RIMS2: variants seen among roughly 807,000 people sequenced by gnomAD.
RIMS2 encodes regulating synaptic membrane exocytosis 2.
RIMS2 carries 59 observed loss-of-function variants against 174.4 expected under a neutral mutation model. The ratio of observed to expected loss-of-function variants is 0.34; its 90% confidence interval spans 0.27 to 0.42. RIMS2 has a LOEUF of 0.42. Ranked by LOEUF, RIMS2 falls within the 10% of genes least tolerant of loss-of-function variation. The pLI, the probability that RIMS2 is intolerant of heterozygous loss-of-function variation, is 1.00. For missense variants in RIMS2, 1,620 were observed against 1,666.3 expected (o/e 0.97, Z 0.48); for synonymous variants, 606 against 572.5 (o/e 1.06, Z -0.84).
intron 3 of RIMS2, among the ~76,000 whole-genome samples, chr8:103,800,325 A>T (rs2098598054): frequency 2.0e-5 from 3 of 151,716 alleles, no homozygotes; most frequent in Admixed American, 1.3e-4. Flanking sequence ...CTTTTATTTC[A>T]TTTTTTTATC....
chr8:103,891,818 T>C (rs2099247653), intron 4 of RIMS2, among the ~76,000 whole-genome samples: 1 of 152,078 alleles, frequency 6.6e-6, no homozygotes, highest in Non-Finnish European at 1.5e-5. Flanking sequence ...TGGTGGTGGA[T>C]TAATTTGTAG....
At chr8:103,810,517 A>G (rs974655517) in intron 3 of RIMS2, among the ~76,000 whole-genome samples, 5 of 152,234 alleles carry the variant, frequency 3.3e-5, no homozygotes, top group African/African-American at 1.2e-4. Context: ...TAGTGAAAAC[A>G]AAGTACTTTA....
chr8:103,789,604 G>C (rs2098477121), intron 3 of RIMS2, among the ~76,000 whole-genome samples: 1 of 152,112 alleles, frequency 6.6e-6, no homozygotes, highest in African/African-American at 2.4e-5. Flanking sequence ...TGTACACCAG[G>C]TGGCAAGATT....
chr8:103,945,380 A>G (rs1174154940), intron 14 of RIMS2, among the ~76,000 whole-genome samples: 2 of 152,084 alleles, frequency 1.3e-5, no homozygotes, highest in African/African-American at 2.4e-5. Flanking sequence ...AAGAAACACT[A>G]ATGTTTCTCA....
chr8:104,005,484 T>C (rs2095541246), intron 17 of RIMS2, among the ~76,000 whole-genome samples: 1 of 152,010 alleles, frequency 6.6e-6, no homozygotes, highest in South Asian at 2.1e-4. Flanking sequence ...TGCAGGAAGG[T>C]TGATGTTTAA....
intron 1 of RIMS2, among the ~76,000 whole-genome samples, chr8:103,604,624 C>G (rs1028818685): frequency 1.2e-4 from 18 of 149,224 alleles, no homozygotes; most frequent in Admixed American, 8.7e-4. Context: ...ATTCTTCCTA[C>G]CCATGAGCAT....
In RIMS2 at chr8:103,795,146, T is replaced by C. The variant is rs539998185; in HGVS notation, c.698+28609T>C. On this transcript the variant is annotated intron_variant, in intron 3 of 23. Transcript: ENST00000504942. Reference sequence around the variant, plus strand: ...CAGACACATGCACATGTGTGTTTATTGTGGCACTATTCACAATAGCAAAGA... The same window carrying C: ...CAGACACATGCACATGTGTGTTTATCGTGGCACTATTCACAATAGCAAAGA... 2.6e-5 allele frequency among the ~76,000 whole-genome samples: 4 copies of C among 152,352 alleles called. No individual in the cohort carries two copies. The East Asian group carries it at 7.7e-4, about 29-fold the overall frequency.
At chr8:104,135,964 AT>A (rs1001321826) in intron 19 of RIMS2, among the ~76,000 whole-genome samples, 7 of 152,210 alleles carry the variant, frequency 4.6e-5, no homozygotes, top group African/African-American at 1.7e-4. Flanking sequence ...GGATAATGTT[AT>A]CCCCGTTTTA....
intron 19 of RIMS2, among the ~76,000 whole-genome samples, chr8:104,113,402 AT>A (rs1566485384): frequency 6.6e-6 from 1 of 152,062 alleles, no homozygotes; most frequent in East Asian, 1.9e-4. Flanking sequence ...TATTATAAAG[AT>A]TTTTCCCAAT....
intron 19 of RIMS2, among the ~76,000 whole-genome samples, chr8:104,224,512 A>T (rs1041656166): frequency 1.3e-4 from 20 of 152,260 alleles, no homozygotes; most frequent in Non-Finnish European, 2.5e-4. Context: ...TCAAAATGAT[A>T]ATTGACTGGT....
intron 1 of RIMS2, among the ~76,000 whole-genome samples, chr8:103,656,155 G>A (rs1162962118): frequency 6.6e-6 from 1 of 151,990 alleles, no homozygotes; most frequent in Non-Finnish European, 1.5e-5. Flanking sequence ...TGTTGAAGAA[G>A]GGAAAAGAAC....
intron 19 of RIMS2, among the ~76,000 whole-genome samples, chr8:104,127,848 A>G (rs951393680): frequency 1.3e-5 from 2 of 152,188 alleles, no homozygotes; most frequent in African/African-American, 2.4e-5. Flanking sequence ...ATTACTGGGA[A>G]TAAATACCAG....
At chr8:103,713,561 C>G (rs568751720) in intron 2 of RIMS2, among the ~76,000 whole-genome samples, 1 of 152,174 alleles carries the variant, frequency 6.6e-6, no homozygotes, top group Non-Finnish European at 1.5e-5. Context: ...CATTTCCTGT[C>G]TCTCTATGTA....
intron 1 of RIMS2, among the ~76,000 whole-genome samples, chr8:103,609,089 C>G (rs919818017): frequency 6.6e-6 from 1 of 152,142 alleles, no homozygotes; most frequent in East Asian, 1.9e-4. Context: ...TTTTGATTTG[C>G]GTTTTTCTAA....
chr8:103,647,453 G>A (rs998745351), intron 1 of RIMS2, among the ~76,000 whole-genome samples: 5 of 152,042 alleles, frequency 3.3e-5, no homozygotes, highest in Non-Finnish European at 4.4e-5. Context: ...TGAGTTAGAG[G>A]GGAGACCCTC....
At chr8:103,843,870 A>C (rs571362457) in intron 3 of RIMS2, among the ~76,000 whole-genome samples, 1 of 152,154 alleles carries the variant, frequency 6.6e-6, no homozygotes, top group Non-Finnish European at 1.5e-5. Context: ...TCTTTCTGCT[A>C]TGGTTTGACT....
chr8:104,155,567 C>A (rs1362452400), intron 19 of RIMS2, among the ~76,000 whole-genome samples: 1 of 151,432 alleles, frequency 6.6e-6, no homozygotes, highest in Non-Finnish European at 1.5e-5. Context: ...GCGCCCACCA[C>A]CATGCCCGGC....
At position 103,567,566 on chromosome 8, in the gene RIMS2, A is replaced by G. The variant is rs138497795; in HGVS notation, c.176+66504A>G. Among the ~76,000 whole-genome samples, 343 of 152,340 alleles carry G rather than the reference A, an allele frequency of 2.3e-3. 1 individual carries two copies. Among genetic ancestry groups the G allele is most frequent in the African/African-American group, 8.0e-3 (334 of 41,582 alleles). On this transcript the variant is annotated intron_variant, in intron 1 of 23. Transcript: ENST00000504942. ...GAATATGCCACATATATGTTGACAA[A>G]TGTCCATCAGGTGATTTGTTTCCAC...
intron 2 of RIMS2, among the ~76,000 whole-genome samples, chr8:103,726,796 G>A (rs1307036849): frequency 1.3e-5 from 2 of 149,682 alleles, no homozygotes; most frequent in Non-Finnish European, 3.0e-5. Context: ...GCAGTGGCGC[G>A]ATCTGGGCTC....
Sources: gnomAD v4.1 joint callset for allele counts (sites outside exome capture counted in the v4.1 genomes callset) on GRCh38, gnomAD v4.1.1 for gene constraint, MANE v1.5 for transcripts, NCBI Gene and HGNC (gene_info 2026-07-23, HGNC 2026-07-21) for gene names.